The following RSPH14 variants were observed in gnomAD, a reference collection of about 807,000 sequenced individuals.
RSPH14 encodes the protein radial spoke head 14 homolog, also known as rhabdoid tumor deletion region gene 1.
In RSPH14, 20 loss-of-function variants were observed where a neutral mutation model predicts 26.7. That is an observed-to-expected ratio of 0.75 (90% confidence interval 0.53 to 1.09). The LOEUF (loss-of-function observed/expected upper bound fraction) is 1.09, where lower values mean the gene tolerates loss of function less well. Among genes scored for constraint, RSPH14 ranks in the 50% least tolerant of loss-of-function variants. The pLI, the probability that RSPH14 is intolerant of heterozygous loss-of-function variation, is 0.00. For missense variants in RSPH14, 449 were observed against 457.2 expected (o/e 0.98, Z 0.16); for synonymous variants, 177 against 189.3 (o/e 0.93, Z 0.53).
the RSPH14 span, among the ~76,000 whole-genome samples, chr22:23,176,684 C>T: frequency 6.6e-6 from 1 of 152,304 alleles, no homozygotes; most frequent in South Asian, 2.1e-4. Context: ...TGAATTCTAA[C>T]CCCTTCTCTG....
At chr22:23,161,519 C>G in the RSPH14 span, 1 of 1,612,798 alleles carries the variant, frequency 6.2e-7, no homozygotes, top group Non-Finnish European at 8.5e-7. Context: ...GGAGTCCGCC[C>G]GAGACCCAGG....
intron 5 of RSPH14, 72 bp downstream of exon 5, chr22:23,063,830 G>A (rs2068140917): frequency 6.8e-7 from 1 of 1,472,498 alleles, no homozygotes; most frequent in East Asian, 2.4e-5. Context: ...GGCCGCCCTT[G>A]AGCTCTGGAC....
At chr22:23,180,192 G>T in the RSPH14 span, 1 of 227,234 alleles carries the variant, frequency 4.4e-6, no homozygotes, top group Non-Finnish European at 8.8e-6. Context: ...CTGGCCGGAG[G>T]GGAGCCAAGT....
At chr22:23,169,097 G>A in the RSPH14 span, among the ~76,000 whole-genome samples, 1 of 152,232 alleles carries the variant, frequency 6.6e-6, no homozygotes, top group Non-Finnish European at 1.5e-5. Flanking sequence ...AATTGATTCT[G>A]CAGAAGGCAG....
intron 3 of RSPH14, among the ~76,000 whole-genome samples, chr22:23,135,200 G>A (rs958512939): frequency 2.6e-5 from 4 of 151,740 alleles, no homozygotes; most frequent in African/African-American, 9.7e-5. Context: ...TAGGCCAGGC[G>A]CGGTGGCTCA....
chr22:23,100,741 T>G (rs2069277707), intron 4 of RSPH14, among the ~76,000 whole-genome samples: 1 of 152,080 alleles, frequency 6.6e-6, no homozygotes, highest in South Asian at 2.1e-4. Flanking sequence ...CGGGAGGCGG[T>G]AGGCTTGGGA....
chr22:23,110,130 C>T (rs2069604668), intron 4 of RSPH14, among the ~76,000 whole-genome samples: 1 of 152,184 alleles, frequency 6.6e-6, no homozygotes, highest in South Asian at 2.1e-4. Context: ...GGGAGGATGA[C>T]CAGGCCTGAG....
chr22:23,111,577 C>G (rs1343905358), intron 4 of RSPH14, among the ~76,000 whole-genome samples: 2 of 152,230 alleles, frequency 1.3e-5, no homozygotes, highest in African/African-American at 2.4e-5. Flanking sequence ...CCCCCAAGGT[C>G]ACTTTAGTAG....
intron 5 of RSPH14, among the ~76,000 whole-genome samples, chr22:23,062,988 C>T (rs775832797): frequency 1.8e-4 from 28 of 152,194 alleles, no homozygotes; most frequent in Admixed American, 3.3e-4. Context: ...CAGGAGCTCC[C>T]CTCGGGGATG....
chr22:23,101,891 A>G (rs1365608433), intron 4 of RSPH14, among the ~76,000 whole-genome samples: 1 of 152,210 alleles, frequency 6.6e-6, no homozygotes, highest in Non-Finnish European at 1.5e-5. Context: ...CATGGCAGGC[A>G]TGGAATTGGG....
At chr22:23,063,774 C>A in intron 5 of RSPH14, 128 bp downstream of exon 5, 1 of 811,090 alleles carries the variant, frequency 1.2e-6, no homozygotes, top group South Asian at 1.7e-5. Context: ...TCCCAGCTCC[C>A]TCCTACCCCT....
the RSPH14 span, chr22:23,156,223 G>A: frequency 1.1e-5 from 6 of 557,696 alleles, no homozygotes; most frequent in East Asian, 1.0e-4. Flanking sequence ...TGACTTTGGC[G>A]ATCACACCCT....
chr22:23,061,809 CTTCAGTGA>C lies in RSPH14; in HGVS notation c.782_789del (p.Ile261ArgfsTer96), dbSNP rs1252452575. The C allele has an allele frequency of 4.3e-6, 7 of 1,614,012 alleles. No individual in the cohort carries two copies. Among genetic ancestry groups the C allele is most frequent in the Non-Finnish European group, 5.9e-6 (7 of 1,179,992 alleles). ...CCTGCGGCACCCCCCACCGCCTCAC[CTTCAGTGA>C]TCACTGTGGCGAACATCAGGGCACC... is the stretch of plus-strand genomic sequence containing the variant. On this transcript the variant is annotated frameshift_variant and splice_region_variant, in exon 6 of 7. Coordinates refer to ENST00000216036, the MANE Select transcript of RSPH14 (RefSeq NM_014433.3). LOFTEE classifies it low-confidence loss of function (END_TRUNC).
rs1271932730 is a variant in RSPH14 at position 23,140,381 on chromosome 22, T to C, written c.40A>G (p.Ile14Val). Reference protein sequence around the residue: ...SQNSLELPININATQITTAYG... With the variant: ...SQNSLELPINVNATQITTAYG... ...GCAGTGGTAATCTGGGTGGCATTGA[T>C]GTTAATGGGAAGCTCCAAGGAGTTC... is the stretch of plus-strand genomic sequence containing the variant. The change falls in exon 2 of 7, where the codon ATC becomes GTC. Residue 14 changes from isoleucine (I) to valine (V), a missense_variant. Coordinates refer to ENST00000216036, the MANE Select transcript of RSPH14 (RefSeq NM_014433.3). The C allele has an allele frequency of 1.9e-6, 3 of 1,614,188 alleles. No individual in the cohort carries two copies. The highest frequency in any genetic ancestry group is 2.2e-5 in the South Asian group (2 of 91,088).
the RSPH14 span, chr22:23,156,134 T>C: frequency 1.4e-6 from 1 of 716,406 alleles, no homozygotes; most frequent in South Asian, 2.0e-5. Context: ...CACCAGTTTT[T>C]TGTCCTCCAA....
rs2068104541 is a variant in RSPH14 at position 23,061,920 on chromosome 22, C to T, written c.679G>A (p.Val227Met). The change falls in exon 6 of 7, where the codon GTG (valine) becomes ATG (methionine). Residue 227 changes from valine (V) to methionine (M), a missense_variant. Transcript: ENST00000216036. ...VSISREGKKQ[V>M]CHFDVIPILV... ...ATGGGGATGACGTCAAAATGACACACCTGTTTCTTGCCCTCTCGAGATATG... is the reference window on the plus strand; with the variant it reads ...ATGGGGATGACGTCAAAATGACACATCTGTTTCTTGCCCTCTCGAGATATG... 1 of 1,614,172 alleles carries T rather than the reference C, an allele frequency of 6.2e-7. No individual in the cohort carries two copies. The highest frequency in any genetic ancestry group is 8.5e-7 in the Non-Finnish European group (1 of 1,180,028).
chr22:23,145,040 A>C, upstream of RSPH14: 1 of 365,728 alleles, frequency 2.7e-6, no homozygotes, highest in Non-Finnish European at 5.1e-6. Context: ...AGAACTATGC[A>C]GACTAAGGTC....
the RSPH14 span, among the ~76,000 whole-genome samples, chr22:23,175,315 T>A: frequency 3.3e-5 from 5 of 149,482 alleles, no homozygotes; most frequent in Non-Finnish European, 7.4e-5. Flanking sequence ...TATTTTTTTT[T>A]AAATTACAAA....
chr22:23,094,255 G>T (rs1448032554), intron 4 of RSPH14, among the ~76,000 whole-genome samples: 1 of 152,138 alleles, frequency 6.6e-6, no homozygotes, highest in South Asian at 2.1e-4. Flanking sequence ...GTGGGGCCTG[G>T]TGCCACCCTG....
Sources: allele counts gnomAD v4.1 joint callset (sites outside exome capture counted in the v4.1 genomes callset), GRCh38; gene constraint gnomAD v4.1.1; transcripts MANE v1.5; gene names NCBI Gene and HGNC (gene_info 2026-07-23, HGNC 2026-07-21).